Variants in CXCL13 observed in about 807,000 individuals in gnomAD.
CXCL13 encodes the protein C-X-C motif chemokine 13.
In CXCL13, 7 loss-of-function variants were observed where a neutral mutation model predicts 12.2. That is an observed-to-expected ratio of 0.57 (90% CI 0.33 to 1.07). The LOEUF is 1.07. Ranked by LOEUF, CXCL13 falls within the 50% of genes least tolerant of loss-of-function variation. The pLI is 0.04. For missense variants in CXCL13, 113 were observed against 127.4 expected, an observed-to-expected ratio of 0.89 and a Z score of 0.55; for synonymous variants, 47 against 42.4, an observed-to-expected ratio of 1.11 and a Z score of -0.42.
intron 1 of CXCL13, among the ~76,000 whole-genome samples, chr4:77,540,467 G>T (rs149112872): frequency 2.6e-5 from 4 of 151,944 alleles, no homozygotes; most frequent in East Asian, 1.9e-4. Flanking sequence ...CCATCTTTAC[G>T]TCCATGAGTA....
rs904428003 is a variant in CXCL13, at chr4:77,528,051, T to C, written c.-43+16263T>C. Among the ~76,000 whole-genome samples, 5 of 152,168 alleles carry C rather than the reference T, an allele frequency of 3.3e-5. No individual in the cohort carries two copies. The East Asian group carries it at 7.7e-4, about 23-fold the overall frequency. On this transcript the variant is annotated intron_variant, in intron 1 of 4. Transcript: ENST00000286758. ...GGTGTTTGGTTTTTTGTCCTTGCGA[T>C]AGTTTGCTGAGAATGAAGGTTTCCA...
intron 1 of CXCL13, among the ~76,000 whole-genome samples, chr4:77,569,719 C>T (rs1726021441): frequency 6.6e-6 from 1 of 152,188 alleles, no homozygotes; most frequent in South Asian, 2.1e-4. Flanking sequence ...TTGATAGATT[C>T]AATGCTATTC....
At chr4:77,543,177 C>G (rs1725249936) in intron 1 of CXCL13, among the ~76,000 whole-genome samples, 1 of 151,826 alleles carries the variant, frequency 6.6e-6, no homozygotes, top group South Asian at 2.1e-4. Flanking sequence ...TCTCTAAGGG[C>G]TTTTTGTATT....
chr4:77,527,551 A>G (rs1724797534), intron 1 of CXCL13, among the ~76,000 whole-genome samples: 1 of 152,030 alleles, frequency 6.6e-6, no homozygotes, highest in Non-Finnish European at 1.5e-5. Context: ...AGGATCACTT[A>G]AGCCTGAGAG....
chr4:77,530,631 C>G (rs1724888309), intron 1 of CXCL13, among the ~76,000 whole-genome samples: 1 of 152,114 alleles, frequency 6.6e-6, no homozygotes, highest in African/African-American at 2.4e-5. Flanking sequence ...TCCCCTTTAA[C>G]ATTTTTTATT....
Position 77,567,859 on chromosome 4 carries a change from C to T in CXCL13, c.-42-37965C>T, listed in dbSNP as rs1047525330. ...CCAGAAAACTCATGAAAATCCACCCCTTGTTTAGCATATGTTCAAAAATAA... is the reference window on the plus strand; with the variant it reads ...CCAGAAAACTCATGAAAATCCACCCTTTGTTTAGCATATGTTCAAAAATAA... On this transcript the variant is annotated intron_variant, in intron 1 of 4. Coordinates refer to the CXCL13 transcript ENST00000286758. Among the ~76,000 whole-genome samples, 5 of 152,340 alleles carry T rather than the reference C, an allele frequency of 3.3e-5. No individual in the cohort carries two copies. The East Asian group carries it at 5.8e-4, about 18-fold the overall frequency.
At chr4:77,610,919 C>A in intron 3 of CXCL13, 69 bp from the exon 4 acceptor site, 1 of 1,418,328 alleles carries the variant, frequency 7.1e-7, no homozygotes, top group Non-Finnish European at 9.9e-7. Flanking sequence ...CCCGGTATCT[C>A]CAGAGGAAAG....
At chr4:77,516,385 C>A (rs1354502727) in intron 1 of CXCL13, among the ~76,000 whole-genome samples, 1 of 152,188 alleles carries the variant, frequency 6.6e-6, no homozygotes, top group African/African-American at 2.4e-5. Context: ...AGGAATGGTA[C>A]CAGTTCCTCC....
At chr4:77,534,012 C>T (rs1039992379) in intron 1 of CXCL13, among the ~76,000 whole-genome samples, 7 of 152,220 alleles carry the variant, frequency 4.6e-5, no homozygotes, top group Non-Finnish European at 8.8e-5. Context: ...CCTGCTTTGG[C>T]TCATGCTTGG....
chr4:77,557,371 G>A (rs1381481079), intron 1 of CXCL13, among the ~76,000 whole-genome samples: 2 of 152,164 alleles, frequency 1.3e-5, no homozygotes, highest in Non-Finnish European at 2.9e-5. Flanking sequence ...CTGGAACCTG[G>A]CCTTTTCATC....
chr4:77,599,389 A>T (rs1215488760), intron 1 of CXCL13, among the ~76,000 whole-genome samples: 3 of 152,246 alleles, frequency 2.0e-5, no homozygotes, highest in Non-Finnish European at 4.4e-5. Context: ...CTATGTAAAT[A>T]GTTATATTGT....
intron 1 of CXCL13, among the ~76,000 whole-genome samples, chr4:77,567,475 A>G (rs1431893458): frequency 6.6e-6 from 1 of 152,240 alleles, no homozygotes; most frequent in Non-Finnish European, 1.5e-5. Flanking sequence ...GAGACTTTTC[A>G]CAAAGGGAAG....
At chr4:77,553,493 T>G (rs1444720626) in intron 1 of CXCL13, among the ~76,000 whole-genome samples, 1 of 152,230 alleles carries the variant, frequency 6.6e-6, no homozygotes, top group African/African-American at 2.4e-5. Context: ...TTCCCCAGTA[T>G]AGCTCCAGGG....
intron 1 of CXCL13, among the ~76,000 whole-genome samples, chr4:77,597,677 A>G (rs1404571231): frequency 6.6e-6 from 1 of 152,166 alleles, no homozygotes; most frequent in African/African-American, 2.4e-5. Flanking sequence ...GGAATATGGA[A>G]GAAGTTGAAT....
At chr4:77,572,746 G>A (rs1726118737) in intron 1 of CXCL13, among the ~76,000 whole-genome samples, 1 of 151,858 alleles carries the variant, frequency 6.6e-6, no homozygotes, top group East Asian at 1.9e-4. Context: ...GTATACCAAA[G>A]GGAATATAAA....
chr4:77,567,851 A>G (rs1725975457), intron 1 of CXCL13, among the ~76,000 whole-genome samples: 1 of 152,156 alleles, frequency 6.6e-6, no homozygotes. Flanking sequence ...ACTCATGAAA[A>G]TCCACCCCTT....
intron 1 of CXCL13, among the ~76,000 whole-genome samples, chr4:77,583,043 A>G: frequency 6.6e-6 from 1 of 152,202 alleles, no homozygotes. Flanking sequence ...TGTAAGCAAC[A>G]AAGCCTTGAA....
intron 1 of CXCL13, among the ~76,000 whole-genome samples, chr4:77,536,780 C>A (rs937476308): frequency 6.6e-6 from 1 of 152,172 alleles, no homozygotes; most frequent in Non-Finnish European, 1.5e-5. Context: ...GCTGATTCAA[C>A]TATCTCTGAT....
Position 77,538,612 on chromosome 4 carries a change from A to G in CXCL13, c.-43+26824A>G, listed in dbSNP as rs75024304. Among the ~76,000 whole-genome samples the G allele has an allele frequency of 2.4e-3, 364 of 152,228 alleles. 2 individuals carry two copies. Among genetic ancestry groups the G allele is most frequent in the African/African-American group, 8.0e-3 (334 of 41,526 alleles). Reference sequence around the variant, plus strand: ...TGCTTTAGAGGTAGAAGAGGGTAATAGTCAGGTTCACTCTGACAAAGCCCA... The same window carrying G: ...TGCTTTAGAGGTAGAAGAGGGTAATGGTCAGGTTCACTCTGACAAAGCCCA... On this transcript the variant is annotated intron_variant, in intron 1 of 4. Coordinates refer to the CXCL13 transcript ENST00000286758.
Sources: gnomAD v4.1 joint callset for allele counts (sites outside exome capture counted in the v4.1 genomes callset) on GRCh38, gnomAD v4.1.1 for gene constraint, MANE v1.5 for transcripts, NCBI Gene and HGNC (gene_info 2026-07-23, HGNC 2026-07-21) for gene names.